ZGPAT: variants seen among roughly 807,000 people sequenced by gnomAD.
The protein encoded by ZGPAT is zinc finger CCCH-type and G-patch domain containing.
In ZGPAT, 39 loss-of-function variants were observed where a neutral mutation model predicts 47.9. The ratio of observed to expected loss-of-function variants is 0.81; its 90% confidence interval spans 0.63 to 1.06. The LOEUF (loss-of-function observed/expected upper bound fraction) is 1.06, where lower values mean the gene tolerates loss of function less well. ZGPAT is among the 50% of genes least tolerant of loss of function. The pLI, the probability that ZGPAT is intolerant of heterozygous loss-of-function variation, is 0.00. For missense variants in ZGPAT, 717 were observed against 681.4 expected (o/e 1.05, Z -0.58); for synonymous variants, 348 against 292.9 (o/e 1.19, Z -1.92).
chr20:63,718,828 A>T (rs559722777), intron 2 of ZGPAT, among the ~76,000 whole-genome samples: 1 of 151,756 alleles, frequency 6.6e-6, no homozygotes, highest in Admixed American at 6.6e-5. Context: ...GCACTTTGGG[A>T]GGCCGAGGTG....
chr20:63,735,005 G>A (rs1207659535), intron 5 of ZGPAT, 154 bp from the exon 6 acceptor site: 3 of 1,331,938 alleles, frequency 2.3e-6, no homozygotes, highest in Non-Finnish European at 3.0e-6. Context: ...CCATCCCCGT[G>A]CTCCTCAGAT....
chr20:63,711,477 T>C (rs568596783), intron 2 of ZGPAT, among the ~76,000 whole-genome samples: 3 of 152,334 alleles, frequency 2.0e-5, no homozygotes, highest in African/African-American at 7.2e-5. Flanking sequence ...TTCCGTCCCC[T>C]GCTCCACCCA....
intron 2 of ZGPAT, among the ~76,000 whole-genome samples, chr20:63,726,045 G>T (rs759902476): frequency 7.3e-5 from 11 of 151,600 alleles, no homozygotes; most frequent in Middle Eastern, 3.4e-3. Context: ...CACCATGTTG[G>T]CAAGGCTGGT....
intron 2 of ZGPAT, among the ~76,000 whole-genome samples, chr20:63,731,411 GTA>G (rs891027658): frequency 6.6e-6 from 1 of 150,920 alleles, no homozygotes; most frequent in African/African-American, 2.4e-5. Flanking sequence ...TGGTGTGTGT[GTA>G]TGTGTGCATG....
intron 2 of ZGPAT, among the ~76,000 whole-genome samples, chr20:63,720,767 A>G (rs983039931): frequency 1.3e-5 from 2 of 152,026 alleles, no homozygotes; most frequent in African/African-American, 4.8e-5. Context: ...TAATTTCTTT[A>G]TTTCCGGTGA....
chr20:63,722,791 C>G (rs537396164), intron 2 of ZGPAT, among the ~76,000 whole-genome samples: 45 of 152,160 alleles, frequency 3.0e-4, no homozygotes, highest in Non-Finnish European at 6.3e-4. Context: ...CCCACCACAC[C>G]CGGCTAATTT....
At chr20:63,717,721 C>T (rs1279777475) in intron 2 of ZGPAT, among the ~76,000 whole-genome samples, 2 of 152,186 alleles carry the variant, frequency 1.3e-5, no homozygotes, top group African/African-American at 4.8e-5. Flanking sequence ...CAGGTGTACA[C>T]CACTGCACCT....
upstream of ZGPAT, chr20:63,707,916 C>T (rs2091577416): frequency 1.3e-5 from 2 of 152,580 alleles, no homozygotes; most frequent in African/African-American, 4.8e-5. Context: ...CCGCTGACCT[C>T]CGCTGACCCC....
chr20:63,711,900 T>G (rs919832065), intron 2 of ZGPAT, among the ~76,000 whole-genome samples: 1 of 152,198 alleles, frequency 6.6e-6, no homozygotes, highest in Non-Finnish European at 1.5e-5. Flanking sequence ...TTTCTTTATA[T>G]ATTCTGGATA....
At chr20:63,722,450 T>G (rs1410796051) in intron 2 of ZGPAT, among the ~76,000 whole-genome samples, 1 of 152,148 alleles carries the variant, frequency 6.6e-6, no homozygotes, top group African/African-American at 2.4e-5. Context: ...GCAGAATAGT[T>G]GCTTTGCTGG....
intron 2 of ZGPAT, among the ~76,000 whole-genome samples, 198 bp downstream of exon 2, chr20:63,709,362 G>A (rs571971607): frequency 2.5e-4 from 38 of 152,330 alleles, no homozygotes; most frequent in African/African-American, 9.1e-4. Context: ...AGGAGGCCAG[G>A]CGCGGTGGCT....
At chr20:63,733,110 G>T in intron 2 of ZGPAT, 109 bp from the exon 3 acceptor site, 2 of 1,437,870 alleles carry the variant, frequency 1.4e-6, no homozygotes, top group Non-Finnish European at 9.4e-7. Flanking sequence ...GCACGCGTGT[G>T]TGTCTGTCTC....
chr20:63,726,333 A>T (rs979793820), intron 2 of ZGPAT, among the ~76,000 whole-genome samples: 1 of 145,286 alleles, frequency 6.9e-6, no homozygotes, highest in African/African-American at 2.6e-5. Context: ...CAAGTAGCTG[A>T]GATGATAGGC....
chr20:63,735,155 G>C lies in ZGPAT; in HGVS notation c.992-4G>C. 1 of 1,506,820 alleles carries C rather than the reference G, an allele frequency of 6.6e-7. No homozygotes were observed. The highest frequency in any genetic ancestry group is 8.9e-7 in the Non-Finnish European group (1 of 1,128,398). The allele number at this position is 1,506,820 out of a possible 1,614,324, so 93.3% of individuals were successfully genotyped here. On this transcript the variant is annotated splice_polypyrimidine_tract_variant and splice_region_variant and intron_variant, in intron 5 of 6. Coordinates refer to ENST00000355969, the MANE Select transcript of ZGPAT (RefSeq NM_181485.3). Reference sequence around the variant, plus strand: ...ACAGCACTGCCATCCCCGTGCCTCCGCAGGTTTGGGCCGACACGCGGAAGG... The same window carrying C: ...ACAGCACTGCCATCCCCGTGCCTCCCCAGGTTTGGGCCGACACGCGGAAGG...
Position 63,708,731 on chromosome 20 carries a change from G to A in ZGPAT, c.151G>A (p.Glu51Lys). Residue 51 changes from glutamate to lysine, a missense_variant, in exon 2 of 7, where the codon GAG (glutamate) becomes AAG (lysine). Physicochemically the swap from Glu to Lys is moderately conservative, Grantham distance 56. Coordinates refer to ENST00000355969, the MANE Select transcript of ZGPAT (RefSeq NM_181485.3). Reference sequence around the variant, plus strand: ...CCTGAAGGAGCTCATCGAGCTCACCGAGGCCAGCCTGGTGTCTGTCAGGAA... The same window carrying A: ...CCTGAAGGAGCTCATCGAGCTCACCAAGGCCAGCCTGGTGTCTGTCAGGAA... ...GDLKELIELT[E>K]ASLVSVRKSS... 1 of 1,612,726 alleles carries A rather than the reference G, an allele frequency of 6.2e-7. No homozygotes were observed.
Position 63,733,895 on chromosome 20 carries a change from G to A in ZGPAT, c.871+156G>A, listed in dbSNP as rs7267142. ...TGCCTGAGGAGGCCGTGTGGGTAGG[G>A]GTAGATCCGTGGCGGCCTTTATCTT... On this transcript the variant is annotated intron_variant, in intron 4 of 6. Coordinates refer to ENST00000355969, the MANE Select transcript of ZGPAT (RefSeq NM_181485.3). 2.3e-3 allele frequency: 2,233 copies of A among 963,200 alleles called. 42 individuals are homozygous for A. The African/African-American group carries it at 0.034, about 15-fold the overall frequency. 59.7% of individuals were successfully genotyped at this position (963,200 alleles called of 1,614,324 possible). A position where few individuals can be genotyped will look rare whatever the true frequency, so the allele number is the denominator to read the frequency against.
chr20:63,713,717 A>G (rs1436187576), intron 2 of ZGPAT, among the ~76,000 whole-genome samples: 1 of 151,698 alleles, frequency 6.6e-6, no homozygotes, highest in Non-Finnish European at 1.5e-5. Context: ...TTAAAAATAC[A>G]AAAATTAGTC....
intron 2 of ZGPAT, among the ~76,000 whole-genome samples, 189 bp from the exon 3 acceptor site, chr20:63,733,002 ATGTGCATGTGTGTATGTGTGCGTGAGTG>A (rs2091936479): frequency 6.7e-6 from 1 of 149,112 alleles, no homozygotes; most frequent in Non-Finnish European, 1.5e-5. Flanking sequence ...GCGTGTGTAT[ATGTGCATGTGTGTATGTGTGCGTGAGTG>A]TGTGCATGTG....
At position 63,709,147 on chromosome 20, in the gene ZGPAT, C is replaced by G; in HGVS notation, c.567C>G (p.Arg189=). ...PCPFFLEGKC[R]FKENCRFSHG... ...CGTTCTTCCTGGAGGGAAAGTGCCG[C>G]TTTAAGGAGAACTGCAGGTAAAGCC... The change falls in exon 2 of 7, where the codon CGC becomes CGG. Residue 189 remains arginine, a synonymous_variant. Transcript: ENST00000355969. The G allele has an allele frequency of 6.2e-7, 1 of 1,611,084 alleles. No homozygotes were observed. Among genetic ancestry groups the G allele is most frequent in the Non-Finnish European group, 8.5e-7 (1 of 1,180,004 alleles).
Sources: allele counts gnomAD v4.1 joint callset (sites outside exome capture counted in the v4.1 genomes callset), GRCh38; gene constraint gnomAD v4.1.1; transcripts MANE v1.5; gene names NCBI Gene and HGNC (gene_info 2026-07-23, HGNC 2026-07-21).